The following LTBP2 variants were observed in gnomAD, a reference collection of about 807,000 sequenced individuals.
The protein encoded by LTBP2 is latent-transforming growth factor beta-binding protein 2.
LTBP2 carries 103 observed loss-of-function variants against 210.6 expected under a neutral mutation model. That is an observed-to-expected ratio of 0.49 (90% confidence interval 0.42 to 0.58). The LOEUF is 0.58. LTBP2 is among the 20% of genes least tolerant of loss of function. The pLI is 0.00. For missense variants in LTBP2, 2,313 were observed against 2,494.5 expected (o/e 0.93, Z 1.55); for synonymous variants, 1,007 against 1,015.0 (o/e 0.99, Z 0.15).
chr14:74,602,941 G>A (rs2088468531), intron 2 of LTBP2, among the ~76,000 whole-genome samples: 1 of 152,244 alleles, frequency 6.6e-6, no homozygotes, highest in Non-Finnish European at 1.5e-5. Flanking sequence ...CATGAATGGT[G>A]CCCTTGGAAA....
chr14:74,577,515 T>TC (rs2139778813), intron 3 of LTBP2, among the ~76,000 whole-genome samples: 1 of 151,590 alleles, frequency 6.6e-6, no homozygotes, highest in African/African-American at 2.4e-5. Context: ...TTTTTTTTTT[T>TC]TTTTTTTTCT....
intron 3 of LTBP2, among the ~76,000 whole-genome samples, chr14:74,581,900 G>C (rs2088141140): frequency 6.6e-6 from 1 of 152,086 alleles, no homozygotes; most frequent in Admixed American, 6.6e-5. Flanking sequence ...CAGCCTGCTG[G>C]AAGCCACCAC....
intron 5 of LTBP2, 153 bp from the exon 6 acceptor site, chr14:74,552,546 C>A: frequency 1.3e-6 from 1 of 752,500 alleles, no homozygotes. Flanking sequence ...CTTTCCACTT[C>A]ATTCATGTAG....
intron 8 of LTBP2, among the ~76,000 whole-genome samples, chr14:74,539,302 G>T (rs192694757): frequency 2.6e-5 from 4 of 152,188 alleles, no homozygotes; most frequent in African/African-American, 7.2e-5. Context: ...AGCTGTGAAG[G>T]CCACATCCTT....
intron 17 of LTBP2, among the ~76,000 whole-genome samples, chr14:74,518,042 C>A (rs936250208): frequency 2.2e-4 from 34 of 152,222 alleles, no homozygotes; most frequent in Non-Finnish European, 3.5e-4. Flanking sequence ...TCTTTCCTCA[C>A]GATGGCCAGC....
rs927439648 is a variant in LTBP2, at chr14:74,511,433, C to G, written c.2909-69G>C. 16 of 1,596,366 alleles carry G rather than the reference C, an allele frequency of 1.0e-5. No homozygotes were observed. In the Admixed American group the frequency reaches 1.7e-4, roughly 17 times the overall value. The stretch of plus-strand genomic sequence containing the variant: ...GCAAATGGGTAGGTCTGTGACACAG[C>G]AAATCCTTGTCCCTGCCTTTGGTTG... On this transcript the variant is annotated intron_variant, in intron 18 of 35. Coordinates refer to ENST00000261978, the MANE Select transcript of LTBP2 (RefSeq NM_000428.3).
intron 8 of LTBP2, among the ~76,000 whole-genome samples, chr14:74,545,523 T>A (rs2087565831): frequency 6.6e-6 from 1 of 152,106 alleles, no homozygotes; most frequent in Non-Finnish European, 1.5e-5. Context: ...GGCAAGACGA[T>A]CTCATGGCAA....
chr14:74,601,668 GC>G (rs1164549718), intron 2 of LTBP2, among the ~76,000 whole-genome samples: 1 of 152,264 alleles, frequency 6.6e-6, no homozygotes, highest in South Asian at 2.1e-4. Flanking sequence ...GAAGCCAAGA[GC>G]TTGGTGAACC....
chr14:74,502,218 T>C (rs2086918248), intron 34 of LTBP2, among the ~76,000 whole-genome samples: 1 of 152,104 alleles, frequency 6.6e-6, no homozygotes, highest in African/African-American at 2.4e-5. Flanking sequence ...GATCGCACCA[T>C]TCACAAACCG....
chr14:74,546,738 A>G (rs752539533), intron 8 of LTBP2, among the ~76,000 whole-genome samples: 51 of 152,340 alleles, frequency 3.3e-4, no homozygotes, highest in Non-Finnish European at 5.4e-4. Context: ...GCCCACCGCC[A>G]CTGGGCTCTA....
chr14:74,564,744 T>C (rs61980887), intron 3 of LTBP2, among the ~76,000 whole-genome samples: 55,951 of 151,796 alleles, frequency 0.37, 12,446 homozygotes, highest in Non-Finnish European at 0.51. Flanking sequence ...TAACGCCCAT[T>C]ACGTGCATCC....
chr14:74,548,554 T>C (rs758562170), intron 8 of LTBP2, among the ~76,000 whole-genome samples: 1 of 152,140 alleles, frequency 6.6e-6, no homozygotes, highest in African/African-American at 2.4e-5. Context: ...CAACGCCTGA[T>C]AGGAAAGAGA....
intron 3 of LTBP2, among the ~76,000 whole-genome samples, chr14:74,563,488 G>C (rs184060851): frequency 6.6e-6 from 1 of 152,126 alleles, no homozygotes; most frequent in South Asian, 2.1e-4. Context: ...GAAACACAGC[G>C]GCAGCTCCTT....
At chr14:74,524,416 C>T (rs1456714248) in intron 15 of LTBP2, among the ~76,000 whole-genome samples, 1 of 152,070 alleles carries the variant, frequency 6.6e-6, no homozygotes, top group African/African-American at 2.4e-5. Flanking sequence ...TCACCCCCAA[C>T]ACAAGGTGAC....
intron 8 of LTBP2, among the ~76,000 whole-genome samples, chr14:74,545,127 T>C (rs2139739039): frequency 6.6e-6 from 1 of 152,340 alleles, no homozygotes; most frequent in Non-Finnish European, 1.5e-5. Flanking sequence ...CTGATCTTTG[T>C]TTCCTTCAGG....
chr14:74,509,725 C>T lies in LTBP2; in HGVS notation c.3277+9G>A, dbSNP rs770753531. On this transcript the variant is annotated intron_variant, in intron 21 of 35. Transcript: ENST00000261978. ...CTGTCCCCTTCCACCACTGCCTCCC[C>T]AGGGTTACCTTCACAGGCAGTGCCG... 44 of 1,613,942 alleles carry T rather than the reference C, an allele frequency of 2.7e-5. 1 individual carries two copies. In the South Asian group the frequency reaches 4.6e-4, roughly 17 times the overall value.
At chr14:74,553,923 C>CGTGTGTGTGTGTGTGTGTGTGTGT (rs34143485) in intron 4 of LTBP2, among the ~76,000 whole-genome samples, 2 of 130,574 alleles carry the variant, frequency 1.5e-5, no homozygotes, top group Non-Finnish European at 3.2e-5. Flanking sequence ...AGCGGAGAAA[C>CGTGTGTGTGTGTGTGTGTGTGTGT]GTGTGTGTGT....
At chr14:74,572,442 C>T (rs1444415561) in intron 3 of LTBP2, among the ~76,000 whole-genome samples, 1 of 132,548 alleles carries the variant, frequency 7.5e-6, no homozygotes, top group Non-Finnish European at 1.8e-5. Context: ...TTTCAGAATG[C>T]CTCCCTTTTT....
chr14:74,501,463 A>C lies in LTBP2; in HGVS notation c.5298T>G (p.Asp1766Glu), dbSNP rs761832980. 6.2e-7 allele frequency: 1 copy of C among 1,614,144 alleles called. No individual in the cohort carries two copies. The highest frequency in any genetic ancestry group is 8.5e-7 in the Non-Finnish European group (1 of 1,180,014). Residue 1766 changes from aspartate (D) to glutamate (E), a missense_variant, in exon 35 of 36, where the codon GAT becomes GAG. Transcript: ENST00000261978. Reference protein sequence around the residue: ...TCDCFEGFQLDAAHMACVDVN... With the variant: ...TCDCFEGFQLEAAHMACVDVN... ...TACCTACGCAGGCCATGTGGGCCGC[A>C]TCCAGCTGGAAGCCCTCAAAACAGT...
Sources: gnomAD v4.1 joint callset for allele counts (sites outside exome capture counted in the v4.1 genomes callset) on GRCh38, gnomAD v4.1.1 for gene constraint, MANE v1.5 for transcripts, NCBI Gene and HGNC (gene_info 2026-07-23, HGNC 2026-07-21) for gene names.